CD101: variants seen among roughly 807,000 people sequenced by gnomAD.
The protein encoded by CD101 is CD101 molecule.
A neutral mutation model predicts 98.2 loss-of-function variants in CD101; 76 were observed. The ratio of observed to expected loss-of-function variants is 0.77; its 90% CI spans 0.64 to 0.94. The LOEUF is 0.94. Ranked by LOEUF, CD101 falls within the 40% of genes least tolerant of loss-of-function variation. The pLI is 0.00. For missense variants in CD101, 1,145 were observed against 1,218.8 expected (o/e 0.94, Z 0.90); for synonymous variants, 471 against 472.7 (o/e 1.00, Z 0.05).
Position 117,022,155 on chromosome 1 carries a change from G to T in CD101, c.2428+172G>T, listed in dbSNP as rs1653627680. 6.6e-6 allele frequency among the ~76,000 whole-genome samples: 1 copy of T among 152,158 alleles called. No homozygotes were observed. Among genetic ancestry groups the T allele is most frequent in the African/African-American group, 2.4e-5 (1 of 41,426 alleles). On this transcript the variant is annotated intron_variant, in intron 7 of 9. Transcript: ENST00000682167. This position sits in a 1 kb window ranked among gnomAD's most constrained non-coding sequence, Gnocchi z 4.8. Reference sequence around the variant, plus strand: ...CGAGTAGTCCACCAAAGGAGGGGAGGTCACTTAAGGCAATCCAATCTGAGG... The same window carrying T: ...CGAGTAGTCCACCAAAGGAGGGGAGTTCACTTAAGGCAATCCAATCTGAGG...
At position 117,029,992 on chromosome 1, in the gene CD101, AT is replaced by A. The variant is rs934024534; in HGVS notation, c.2825-3866del. On this transcript the variant is annotated intron_variant, in intron 8 of 9. Coordinates refer to ENST00000682167, the MANE Select transcript of CD101 (RefSeq NM_001256106.3). ...GACATTAAATGTCTTATTCTAGAGA[AT>A]TGTCTGTGATTAATTGATAGGCCAG... is the stretch of plus-strand genomic sequence containing the variant. Among the ~76,000 whole-genome samples the A allele has an allele frequency of 9.7e-4, 148 of 152,272 alleles. 1 individual carries two copies. The highest frequency in any genetic ancestry group is 1.2e-4 in the Non-Finnish European group (8 of 68,018).
In CD101 at chr1:117,025,686, G is replaced by A; in HGVS notation, c.2606G>A (p.Gly869Asp). Reference sequence around the variant, plus strand: ...TTGCTGGTGCACTTGCAACATGATGGCTTGCTGGAGTATGGGGAAGAGGGG... The same window carrying A: ...TTGCTGGTGCACTTGCAACATGATGACTTGCTGGAGTATGGGGAAGAGGGG... Reference protein sequence around the residue: ...SKLLVHLQHDGLLEYGEEGLR... With the variant: ...SKLLVHLQHDDLLEYGEEGLR... The change falls in exon 8 of 10, where the codon GGC becomes GAC. Residue 869 changes from glycine (G) to aspartate (D), a missense_variant. Coordinates refer to ENST00000682167, the MANE Select transcript of CD101 (RefSeq NM_001256106.3). 6.2e-7 allele frequency: 1 copy of A among 1,614,170 alleles called. No homozygotes were observed. Among genetic ancestry groups the A allele is most frequent in the East Asian group, 2.2e-5 (1 of 44,876 alleles).
At chr1:117,027,109 G>A (rs1465253290) in intron 8 of CD101, among the ~76,000 whole-genome samples, 1 of 152,160 alleles carries the variant, frequency 6.6e-6, no homozygotes, top group Non-Finnish European at 1.5e-5. Context: ...ATATAAATAT[G>A]TATAAAGTAT....
chr1:117,011,288 T>A (rs1454062786), intron 2 of CD101, among the ~76,000 whole-genome samples: 1 of 152,158 alleles, frequency 6.6e-6, no homozygotes, highest in Non-Finnish European at 1.5e-5. Flanking sequence ...AGTAGCTAAA[T>A]TGGTTATAGC....
chr1:117,013,842 C>G, intron 4 of CD101, 50 bp downstream of exon 4: 1 of 1,527,168 alleles, frequency 6.5e-7, no homozygotes, highest in Non-Finnish European at 8.8e-7. Flanking sequence ...CAGATGCCCC[C>G]TTGTCAGTGG....
At chr1:117,008,186 T>C (rs1652651781) in intron 1 of CD101, among the ~76,000 whole-genome samples, 1 of 152,114 alleles carries the variant, frequency 6.6e-6, no homozygotes. Context: ...TTATAGAGGC[T>C]GAGCGCAGTG....
rs755085652 is a variant in CD101, at chr1:117,014,420, T to C, written c.1228+628T>C. ...CTCACAGTAAGAAATGAAGAGGTAA[T>C]TGATAGTGGGCAGACTCCATCCTCT... is the stretch of plus-strand genomic sequence containing the variant. On this transcript the variant is annotated intron_variant, in intron 4 of 9. Coordinates refer to ENST00000682167, the MANE Select transcript of CD101 (RefSeq NM_001256106.3). 2.8e-4 allele frequency among the ~76,000 whole-genome samples: 42 copies of C among 152,230 alleles called. 1 individual carries two copies. Among genetic ancestry groups the C allele is most frequent in the Admixed American group, 3.9e-4 (6 of 15,294 alleles).
Position 117,011,560 on chromosome 1 carries a change from T to C in CD101, c.435T>C (p.Asp145=). 6.2e-7 allele frequency: 1 copy of C among 1,612,600 alleles called. No homozygotes were observed. Among genetic ancestry groups the C allele is most frequent in the Non-Finnish European group, 8.5e-7 (1 of 1,179,310 alleles). The change falls in exon 3 of 10, where the codon GAT becomes GAC. Residue 145 remains aspartate, a synonymous_variant. Coordinates refer to ENST00000682167, the MANE Select transcript of CD101 (RefSeq NM_001256106.3). Reference sequence around the variant, plus strand: ...TTCCTTTGTTTCCAGTTATTCCAGATACCCTCTCTGCCACCATGAGTTCTC... The same window carrying C: ...TTCCTTTGTTTCCAGTTATTCCAGACACCCTCTCTGCCACCATGAGTTCTC... ...SAKTNLIVIP[D]TLSATMSSQT...
chr1:117,021,867 G>A lies in CD101; in HGVS notation c.2312G>A (p.Ser771Asn). The change falls in exon 7 of 10, where the codon AGC (serine) becomes AAC (asparagine). Residue 771 changes from serine (S) to asparagine (N), a missense_variant. Ser to Asn is a conservative substitution (Grantham distance 46). Transcript: ENST00000682167. The surrounding 1 kb of genome is among the most constrained non-coding windows in gnomAD (Gnocchi z 4.7). ...CTGCACATTCTGAATGTGGAAGACA[G>A]CGATCGGGGCAAATATCACTGTGCT... ...FQLHILNVED[S>N]DRGKYHCAVE... 4 of 1,614,182 alleles carry A rather than the reference G, an allele frequency of 2.5e-6. No homozygotes were observed. The African/African-American group carries it at 4.0e-5, about 16-fold the overall frequency.
At chr1:117,003,272 G>A (rs1167736424) in intron 1 of CD101, among the ~76,000 whole-genome samples, 1 of 152,214 alleles carries the variant, frequency 6.6e-6, no homozygotes, top group Non-Finnish European at 1.5e-5. Flanking sequence ...TATGGCTGAA[G>A]AATTAAAAGA....
rs1652451956 is a variant in CD101, at chr1:117,005,043, G to A, written c.43+3183G>A. ...GAGCTTCCTGGACTCTTTTACAAGG[G>A]CATTAATCCCATTCATGAGAGCACA... On this transcript the variant is annotated intron_variant, in intron 1 of 9. Coordinates refer to ENST00000682167, the MANE Select transcript of CD101 (RefSeq NM_001256106.3). The surrounding 1 kb of genome is among the most constrained non-coding windows in gnomAD (Gnocchi z 4.4). 6.6e-6 allele frequency among the ~76,000 whole-genome samples: 1 copy of A among 151,984 alleles called. No individual in the cohort carries two copies. The highest frequency in any genetic ancestry group is 1.5e-5 in the Non-Finnish European group (1 of 68,008).
rs1654746964 is a variant in CD101 at position 117,035,402 on chromosome 1, T to C, written c.*34-766T>C. On this transcript the variant is annotated intron_variant, in intron 9 of 9. Transcript: ENST00000682167. ...TATTGGTGGCTATGAGCACTCCTAC[T>C]ATGGACCTACCAGTTCCTTAAACTC... Among the ~76,000 whole-genome samples, 3 of 152,248 alleles carry C rather than the reference T, an allele frequency of 2.0e-5. 1 individual carries two copies. The highest frequency in any genetic ancestry group is 4.1e-4 in the South Asian group (2 of 4,836).
At position 117,017,332 on chromosome 1, in the gene CD101, T is replaced by C. The variant is rs368474367; in HGVS notation, c.1471T>C (p.Trp491Arg). ...HGNTRLEKMD[W>R]ATFQLEITFT... Reference sequence around the variant, plus strand: ...CAACACAAGGCTGGAGAAAATGGACTGGGCCACCTTCCAGCTGGAGATCAC... The same window carrying C: ...CAACACAAGGCTGGAGAAAATGGACCGGGCCACCTTCCAGCTGGAGATCAC... The change falls in exon 5 of 10, where the codon TGG becomes CGG. Residue 491 changes from tryptophan (W) to arginine (R), a missense_variant. Transcript: ENST00000682167. 1.2e-6 allele frequency: 2 copies of C among 1,614,246 alleles called. No individual in the cohort carries two copies. The highest frequency in any genetic ancestry group is 1.3e-5 in the African/African-American group (1 of 75,054).
intron 8 of CD101, among the ~76,000 whole-genome samples, chr1:117,030,275 A>G (rs979007246): frequency 2.6e-5 from 4 of 152,134 alleles, no homozygotes; most frequent in Non-Finnish European, 1.5e-5. Context: ...CTTGCTACTC[A>G]AAAGGCTGAG....
intron 8 of CD101, among the ~76,000 whole-genome samples, chr1:117,029,144 AAAGAAAG>A: frequency 1.1e-5 from 1 of 93,252 alleles, no homozygotes; most frequent in Non-Finnish European, 2.2e-5. Context: ...AGAAAGAAAG[AAAGAAAG>A]AAAGAAAGAA....
At chr1:117,026,624 G>A (rs1012719379) in intron 8 of CD101, 11 of 152,160 alleles carry the variant, frequency 7.2e-5, no homozygotes, top group African/African-American at 2.7e-4. Flanking sequence ...CTGTAGAATC[G>A]GCAGTTTTTG....
intron 1 of CD101, among the ~76,000 whole-genome samples, 174 bp from the exon 2 acceptor site, chr1:117,009,676 A>G (rs1308184767): frequency 6.6e-6 from 1 of 152,264 alleles, no homozygotes; most frequent in Non-Finnish European, 1.5e-5. Context: ...TAACTCATCA[A>G]GCAATTCCAC....
rs17235752 is a variant in CD101, at chr1:117,013,543, G to A, written c.979G>A (p.Ala327Thr). Reference sequence around the variant, plus strand: ...TTGGTTCTTCAATGGGACTGAAATTGCTCACATTGATGCTGGTGGAGTCCT... The same window carrying A: ...TTGGTTCTTCAATGGGACTGAAATTACTCACATTGATGCTGGTGGAGTCCT... ...GIWFFNGTEI[A>T]HIDAGGVLGL... Residue 327 changes from alanine to threonine, a missense_variant, in exon 4 of 10, where the codon GCT (alanine) becomes ACT (threonine). Ala to Thr is a moderately conservative substitution (Grantham distance 58). Coordinates refer to ENST00000682167, the MANE Select transcript of CD101 (RefSeq NM_001256106.3). The A allele has an allele frequency of 8.5e-3, 13,729 of 1,614,200 alleles. 79 individuals carry two copies. Among genetic ancestry groups the A allele is most frequent in the Non-Finnish European group, 0.01 (12,204 of 1,180,036 alleles).
At chr1:117,008,270 G>A (rs1652658680) in intron 1 of CD101, among the ~76,000 whole-genome samples, 1 of 152,074 alleles carries the variant, frequency 6.6e-6, no homozygotes, top group African/African-American at 2.4e-5. Context: ...TTCGAGACCA[G>A]CCTGGCCAAC....
Sources: gnomAD v4.1 joint callset for allele counts (sites outside exome capture counted in the v4.1 genomes callset) on GRCh38, gnomAD v4.1.1 for gene constraint, Gnocchi (gnomAD v3.1) non-coding constraint, MANE v1.5 for transcripts, NCBI Gene and HGNC (gene_info 2026-07-23, HGNC 2026-07-21) for gene names.